Variants in PDGFD observed in about 807,000 individuals in gnomAD.
PDGFD encodes platelet derived growth factor D, also known as platelet-derived growth factor D.
Under a neutral mutation model 44.7 loss-of-function variants are expected in PDGFD, and 30 were observed. The observed-to-expected ratio is 0.67, with a 90% CI of 0.50 to 0.91. The LOEUF (loss-of-function observed/expected upper bound fraction) is 0.91. PDGFD is among the 40% of genes least tolerant of loss of function. The probability of loss-of-function intolerance (pLI) is 0.00; values close to 1 mark genes in which losing one functional copy is unlikely to be tolerated. For missense variants in PDGFD, 445 were observed against 457.8 expected (o/e 0.97, Z 0.25); for synonymous variants, 173 against 168.4 (o/e 1.03, Z -0.21).
intron 5 of PDGFD, among the ~76,000 whole-genome samples, chr11:103,936,781 T>C (rs998215566): frequency 6.6e-6 from 1 of 152,044 alleles, no homozygotes; most frequent in African/African-American, 2.4e-5. Context: ...TATCAAGATG[T>C]TTACTGCACT....
chr11:104,089,479 G>A (rs1861180086), intron 1 of PDGFD, among the ~76,000 whole-genome samples: 1 of 152,096 alleles, frequency 6.6e-6, no homozygotes, highest in Non-Finnish European at 1.5e-5. Context: ...TAGGTTTGAT[G>A]TTGAAAATTC....
chr11:103,971,585 G>A (rs1282619679), intron 3 of PDGFD, among the ~76,000 whole-genome samples: 1 of 152,170 alleles, frequency 6.6e-6, no homozygotes, highest in Non-Finnish European at 1.5e-5. Flanking sequence ...ATTGAAAAGA[G>A]CTACTAATTA....
chr11:104,054,701 A>G (rs1860595026), intron 1 of PDGFD, among the ~76,000 whole-genome samples: 1 of 152,228 alleles, frequency 6.6e-6, no homozygotes, highest in Non-Finnish European at 1.5e-5. Context: ...GTTTTGCTTC[A>G]GAGCTGAAGG....
At chr11:104,023,337 G>T (rs1859992783) in intron 1 of PDGFD, among the ~76,000 whole-genome samples, 1 of 152,106 alleles carries the variant, frequency 6.6e-6, no homozygotes, top group African/African-American at 2.4e-5. Flanking sequence ...CTTTACAGGA[G>T]CTCTTGATAT....
chr11:104,112,458 T>A (rs1046169583), intron 1 of PDGFD, among the ~76,000 whole-genome samples: 1 of 152,068 alleles, frequency 6.6e-6, no homozygotes, highest in Non-Finnish European at 1.5e-5. Flanking sequence ...ATTGTGGAAG[T>A]GTGGCAGCTC....
At chr11:104,020,437 T>C (rs1244205022) in intron 1 of PDGFD, among the ~76,000 whole-genome samples, 1 of 152,136 alleles carries the variant, frequency 6.6e-6, no homozygotes, top group Non-Finnish European at 1.5e-5. Context: ...GAAGATATGT[T>C]TCAATCCCAT....
chr11:104,017,508 A>G (rs186906749), intron 1 of PDGFD, among the ~76,000 whole-genome samples: 14 of 152,286 alleles, frequency 9.2e-5, no homozygotes, highest in Admixed American at 8.5e-4. Context: ...CACTCAACAT[A>G]TTCTTCATCA....
chr11:104,083,368 G>A (rs185564584), intron 1 of PDGFD, among the ~76,000 whole-genome samples: 2 of 152,274 alleles, frequency 1.3e-5, no homozygotes, highest in Admixed American at 6.5e-5. Context: ...CGGCTTATAA[G>A]TGACAAAAAC....
intron 1 of PDGFD, among the ~76,000 whole-genome samples, chr11:104,082,257 T>A (rs1861056796): frequency 6.6e-6 from 1 of 151,456 alleles, no homozygotes. Context: ...TATTTTCTGA[T>A]GGTATTAGAT....
intron 1 of PDGFD, among the ~76,000 whole-genome samples, chr11:104,129,391 T>A (rs1861885188): frequency 6.6e-6 from 1 of 152,114 alleles, no homozygotes; most frequent in South Asian, 2.1e-4. Flanking sequence ...TCCCTTAACC[T>A]GCAACGTTTC....
chr11:104,116,261 A>T (rs1439606252), intron 1 of PDGFD, among the ~76,000 whole-genome samples: 1 of 152,058 alleles, frequency 6.6e-6, no homozygotes, highest in African/African-American at 2.4e-5. Flanking sequence ...CCTGCCAATT[A>T]TCTCAGAACA....
intron 1 of PDGFD, among the ~76,000 whole-genome samples, chr11:104,144,535 A>G (rs1004399735): frequency 8.8e-6 from 1 of 113,446 alleles, no homozygotes; most frequent in Non-Finnish European, 1.8e-5. Flanking sequence ...AAAACCCAAC[A>G]AAACAAAACA....
chr11:103,983,921 C>T lies in PDGFD; in HGVS notation c.510+12144G>A, dbSNP rs141165435. On this transcript the variant is annotated intron_variant, in intron 3 of 6. Transcript: ENST00000393158. Reference sequence around the variant, plus strand: ...AAAAAATAACAGATGCTGGCAAGGTCGTGGAGAAAAACGAATGCTTATACA... The same window carrying T: ...AAAAAATAACAGATGCTGGCAAGGTTGTGGAGAAAAACGAATGCTTATACA... 8.2e-3 allele frequency among the ~76,000 whole-genome samples: 1,239 copies of T among 151,360 alleles called. 55 individuals carry two copies. Among genetic ancestry groups the T allele is most frequent in the African/African-American group, 0.029 (1,181 of 40,976 alleles).
At chr11:103,926,748 A>T (rs1318466895) in intron 6 of PDGFD, among the ~76,000 whole-genome samples, 164 bp downstream of exon 6, 3 of 152,230 alleles carry the variant, frequency 2.0e-5, no homozygotes, top group African/African-American at 7.2e-5. Context: ...TGTCATCAGG[A>T]CACTTGGCTT....
At chr11:104,065,461 T>G (rs889512791) in intron 1 of PDGFD, among the ~76,000 whole-genome samples, 3 of 152,158 alleles carry the variant, frequency 2.0e-5, no homozygotes. Context: ...TTAGGGAGCA[T>G]GGGATTTTAA....
At chr11:104,082,990 A>G (rs1472933345) in intron 1 of PDGFD, among the ~76,000 whole-genome samples, 1 of 152,164 alleles carries the variant, frequency 6.6e-6, no homozygotes, top group African/African-American at 2.4e-5. Context: ...AAGTACGGTC[A>G]CCATCTTCCT....
chr11:104,071,894 C>G (rs79852628), intron 1 of PDGFD, among the ~76,000 whole-genome samples: 4 of 151,796 alleles, frequency 2.6e-5, no homozygotes, highest in African/African-American at 7.2e-5. Flanking sequence ...ATATATTCCA[C>G]GTGTACTGAG....
In PDGFD at chr11:104,116,178, C is replaced by T. The variant is rs192924659; in HGVS notation, c.124+47626G>A. Among the ~76,000 whole-genome samples, 336 of 152,058 alleles carry T rather than the reference C, an allele frequency of 2.2e-3. 1 individual carries two copies. The highest frequency in any genetic ancestry group is 7.3e-3 in the African/African-American group (305 of 41,520). On this transcript the variant is annotated intron_variant, in intron 1 of 6. Transcript: ENST00000393158. The stretch of plus-strand genomic sequence containing the variant: ...TATAGTTTCAGGTCTTAGATTTAAG[C>T]CCTTGATACATTCTGAGTTTATTTT...
chr11:103,918,835 G>A (rs567097798), intron 6 of PDGFD, among the ~76,000 whole-genome samples: 23 of 152,276 alleles, frequency 1.5e-4, no homozygotes, highest in African/African-American at 4.8e-4. Flanking sequence ...AAGAAAGCAA[G>A]GCTGATTTGA....
Sources: allele counts gnomAD v4.1 joint callset (sites outside exome capture counted in the v4.1 genomes callset), GRCh38; gene constraint gnomAD v4.1.1; transcripts MANE v1.5; gene names NCBI Gene and HGNC (gene_info 2026-07-23, HGNC 2026-07-21).